Variants in PPM1H observed in about 807,000 individuals in gnomAD.
PPM1H encodes the protein protein phosphatase 1H.
PPM1H carries 27 observed loss-of-function variants against 54.9 expected under a neutral mutation model. The ratio of observed to expected loss-of-function variants is 0.49; its 90% CI spans 0.36 to 0.68. The LOEUF is 0.68. Among genes scored for constraint, PPM1H ranks in the 30% least tolerant of loss-of-function variants. The probability of loss-of-function intolerance (pLI) is 0.00; values close to 1 mark genes in which losing one functional copy is unlikely to be tolerated. For synonymous variants in PPM1H, 305 were observed against 270.8 expected, an observed-to-expected ratio of 1.13 and a Z score of -1.24; for missense variants, 596 against 667.8, an observed-to-expected ratio of 0.89 and a Z score of 1.19.
chr12:62,934,768 G>A lies in PPM1H; in HGVS notation c.-32C>T. 6.8e-7 allele frequency: 1 copy of A among 1,470,548 alleles called. No individual in the cohort carries two copies. Among genetic ancestry groups the A allele is most frequent in the African/African-American group, 1.4e-5 (1 of 69,038 alleles). The allele number at this position is 1,470,548 out of a possible 1,614,324, so 91.1% of individuals were successfully genotyped here. On this transcript the variant is annotated 5_prime_UTR_variant, in exon 1 of 10. Transcript: ENST00000228705. This position sits in a 1 kb window ranked among gnomAD's most constrained non-coding sequence, Gnocchi z 4.2. ...CCGGCGCCCGGCTGCAGCGGTGCGA[G>A]CAGGAGGCGGCGGGGGCCGGGCAAG... is the stretch of plus-strand genomic sequence containing the variant.
At chr12:62,748,610 T>A (rs892238002) in intron 4 of PPM1H, among the ~76,000 whole-genome samples, 5 of 152,062 alleles carry the variant, frequency 3.3e-5, no homozygotes, top group Non-Finnish European at 7.4e-5. Flanking sequence ...TCTGGGTTGT[T>A]AGGTTCTGAC....
rs1870060678 is a variant in PPM1H at position 62,873,573 on chromosome 12, GT to G, written c.246-41295del. 3.9e-5 allele frequency among the ~76,000 whole-genome samples: 6 copies of G among 152,316 alleles called. No homozygotes were observed. The South Asian group carries it at 1.2e-3, about 32-fold the overall frequency. ...AACACAGGGAGGTGAAAGTTACAAA[GT>G]TGCTGAATGGCAGATCAGAGCCCAG... On this transcript the variant is annotated intron_variant, in intron 1 of 9. Coordinates refer to ENST00000228705, the MANE Select transcript of PPM1H (RefSeq NM_020700.2).
At chr12:62,729,045 G>A (rs902892758) in intron 5 of PPM1H, among the ~76,000 whole-genome samples, 5 of 152,206 alleles carry the variant, frequency 3.3e-5, no homozygotes, top group African/African-American at 1.2e-4. Context: ...AGGAATTCAT[G>A]CAACTAACAT....
chr12:62,832,283 G>T lies in PPM1H; in HGVS notation c.246-4C>A, dbSNP rs1335983229. On this transcript the variant is annotated splice_polypyrimidine_tract_variant and splice_region_variant and intron_variant, in intron 1 of 9. Coordinates refer to ENST00000228705, the MANE Select transcript of PPM1H (RefSeq NM_020700.2). ...GCTCTTCCCGGCATTGATAACCCTG[G>T]AGAAGAAGCCGGAAAAGCTGGTCAG... 3.1e-6 allele frequency: 5 copies of T among 1,606,588 alleles called. No individual in the cohort carries two copies. The highest frequency in any genetic ancestry group is 1.6e-4 in the Middle Eastern group (1 of 6,076).
At position 62,706,140 on chromosome 12, in the gene PPM1H, G is replaced by A. The variant is rs78416724; in HGVS notation, c.1074-12141C>T. ...CTTTGAACTGATAACATTACACGGTGCAGATCTCAAGTATCAGTGCTTTGA... is the reference window on the plus strand; with the variant it reads ...CTTTGAACTGATAACATTACACGGTACAGATCTCAAGTATCAGTGCTTTGA... On this transcript the variant is annotated intron_variant, in intron 6 of 9. Coordinates refer to ENST00000228705, the MANE Select transcript of PPM1H (RefSeq NM_020700.2). 6.5e-3 allele frequency among the ~76,000 whole-genome samples: 990 copies of A among 152,324 alleles called. 16 individuals carry two copies. The highest frequency in any genetic ancestry group is 0.023 in the African/African-American group (954 of 41,568).
At chr12:62,714,619 G>A (rs12313191) in intron 6 of PPM1H, among the ~76,000 whole-genome samples, 17,159 of 151,944 alleles carry the variant, frequency 0.11, 1,255 homozygotes, top group African/African-American at 0.2. Context: ...ATTTACGAGA[G>A]ACCTAGGCCA....
chr12:62,850,650 T>G (rs1449343400), intron 1 of PPM1H: 1 of 148,394 alleles, frequency 6.7e-6, no homozygotes, highest in Non-Finnish European at 1.5e-5. Flanking sequence ...TAAAGATATA[T>G]TTTAAAATAT....
intron 4 of PPM1H, among the ~76,000 whole-genome samples, chr12:62,785,033 G>T (rs936081136): frequency 6.6e-6 from 1 of 152,108 alleles, no homozygotes; most frequent in African/African-American, 2.4e-5. Flanking sequence ...AGCTTATGAG[G>T]TTTTAGAGGT....
At chr12:62,795,925 C>T (rs553564339) in intron 3 of PPM1H, among the ~76,000 whole-genome samples, 54 of 151,870 alleles carry the variant, frequency 3.6e-4, no homozygotes, top group African/African-American at 1.1e-3. Flanking sequence ...GACAGGGTTT[C>T]GCCATGTTGG....
intron 2 of PPM1H, among the ~76,000 whole-genome samples, chr12:62,804,918 G>A (rs931961389): frequency 3.3e-5 from 5 of 151,678 alleles, no homozygotes; most frequent in African/African-American, 7.3e-5. Context: ...CTCGTGATCC[G>A]CCCGCCTCGG....
intron 4 of PPM1H, among the ~76,000 whole-genome samples, chr12:62,739,682 T>C (rs1372150892): frequency 1.3e-5 from 2 of 152,140 alleles, no homozygotes; most frequent in African/African-American, 4.8e-5. Flanking sequence ...CTCAGGGGCC[T>C]GGTAACGCCA....
chr12:62,934,781 G>A lies in PPM1H; in HGVS notation c.-45C>T, dbSNP rs749254766. The A allele has an allele frequency of 6.9e-7, 1 of 1,444,212 alleles. No individual in the cohort carries two copies. Among genetic ancestry groups the A allele is most frequent in the Non-Finnish European group, 9.1e-7 (1 of 1,095,262 alleles). The allele number at this position is 1,444,212 out of a possible 1,614,324, so 89.5% of individuals were successfully genotyped here. On this transcript the variant is annotated 5_prime_UTR_variant, in exon 1 of 10. Coordinates refer to ENST00000228705, the MANE Select transcript of PPM1H (RefSeq NM_020700.2). This position sits in a 1 kb window ranked among gnomAD's most constrained non-coding sequence, Gnocchi z 4.2. ...GCAGCGGTGCGAGCAGGAGGCGGCG[G>A]GGGCCGGGCAAGGCGCAGCGCGGGG...
At chr12:62,811,088 G>C (rs1278388068) in intron 2 of PPM1H, among the ~76,000 whole-genome samples, 1 of 152,176 alleles carries the variant, frequency 6.6e-6, no homozygotes, top group African/African-American at 2.4e-5. Flanking sequence ...TATTAAATGT[G>C]CAGCTAACCA....
intron 9 of PPM1H, among the ~76,000 whole-genome samples, chr12:62,662,245 G>A (rs1381529769): frequency 6.6e-6 from 1 of 152,174 alleles, no homozygotes; most frequent in African/African-American, 2.4e-5. Context: ...TAACTGGCAG[G>A]TGGCTTTGCA....
chr12:62,663,170 A>C (rs1040025032), intron 9 of PPM1H, among the ~76,000 whole-genome samples: 11 of 152,238 alleles, frequency 7.2e-5, no homozygotes, highest in East Asian at 3.9e-4. Context: ...AATTCTGTGA[A>C]TATCTTCTTG....
chr12:62,654,289 T>C (rs1273313465), intron 9 of PPM1H, among the ~76,000 whole-genome samples: 1 of 143,530 alleles, frequency 7.0e-6, no homozygotes, highest in African/African-American at 2.6e-5. Flanking sequence ...TCTCAGGAGA[T>C]AGGCGAGTGG....
chr12:62,759,877 T>TC, intron 4 of PPM1H, among the ~76,000 whole-genome samples: 1 of 151,736 alleles, frequency 6.6e-6, no homozygotes, highest in Non-Finnish European at 1.5e-5. Flanking sequence ...GTTTCCACTT[T>TC]CCTGGGGGGC....
chr12:62,744,166 T>TAA (rs549496108), intron 4 of PPM1H, among the ~76,000 whole-genome samples: 2 of 129,460 alleles, frequency 1.5e-5, no homozygotes, highest in Non-Finnish European at 1.6e-5. Context: ...TATACAGTCA[T>TAA]AAAAAAAAAA....
chr12:62,921,416 G>A (rs1054923073), intron 1 of PPM1H, among the ~76,000 whole-genome samples: 11 of 152,090 alleles, frequency 7.2e-5, no homozygotes, highest in Non-Finnish European at 1.2e-4. Flanking sequence ...TAATTGATCT[G>A]TCTGCCCACA....
Sources: gnomAD v4.1 joint callset for allele counts (sites outside exome capture counted in the v4.1 genomes callset) on GRCh38, gnomAD v4.1.1 for gene constraint, Gnocchi (gnomAD v3.1) non-coding constraint, MANE v1.5 for transcripts, NCBI Gene and HGNC (gene_info 2026-07-23, HGNC 2026-07-21) for gene names.